Variants in ORC5 observed in about 807,000 individuals in gnomAD.
ORC5 encodes protein phosphatase 1, regulatory subunit 117.
In ORC5, 39 loss-of-function variants were observed where a neutral mutation model predicts 58.8. That is an observed-to-expected ratio of 0.66 (90% CI 0.51 to 0.87). ORC5 has a LOEUF of 0.87. Among genes scored for constraint, ORC5 ranks in the 40% least tolerant of loss-of-function variants. The probability of loss-of-function intolerance (pLI) is 0.00; values close to 1 mark genes in which losing one functional copy is unlikely to be tolerated. For missense variants in ORC5, 493 were observed against 506.3 expected (o/e 0.97, Z 0.25); for synonymous variants, 218 against 177.6 (o/e 1.23, Z -1.81).
chr7:104,151,018 G>C (rs188822969), intron 12 of ORC5, among the ~76,000 whole-genome samples: 3 of 152,268 alleles, frequency 2.0e-5, no homozygotes, highest in South Asian at 2.1e-4. Flanking sequence ...CTCGATAGTT[G>C]TAAGGGGAAA....
At chr7:104,179,299 C>T (rs1584507809) in intron 8 of ORC5, among the ~76,000 whole-genome samples, 5 of 151,710 alleles carry the variant, frequency 3.3e-5, no homozygotes, top group African/African-American at 1.2e-4. Context: ...ATAGTTTGTC[C>T]TAAATGTAGT....
At chr7:104,197,664 C>T in intron 4 of ORC5, 61 bp downstream of exon 4, 1 of 1,141,128 alleles carries the variant, frequency 8.8e-7, no homozygotes. Context: ...AAATGAAAAA[C>T]TTTTACAACA....
Position 104,161,095 on chromosome 7 carries a change from G to A in ORC5, c.1126C>T (p.Pro376Ser), listed in dbSNP as rs1228085972. ...ACCTGGGAAAAAATATTTGCTGTTG[G>A]AGCAACTCTGCTGTCCACGATACTA... is the stretch of plus-strand genomic sequence containing the variant. ...LYSIVDSRVA[P>S]TANIFSQITS... Residue 376 changes from proline to serine, a missense_variant, in exon 12 of 14, where the codon CCA becomes TCA. Pro to Ser is a moderately conservative substitution (Grantham distance 74, BLOSUM62 -1). This residue lies in a region of ORC5 where 77 missense variants were observed against 86.1 expected (regional missense o/e 0.89). Transcript: ENST00000297431. 1.3e-6 allele frequency: 2 copies of A among 1,593,032 alleles called. No individual in the cohort carries two copies. Among genetic ancestry groups the A allele is most frequent in the Non-Finnish European group, 1.7e-6 (2 of 1,161,642 alleles).
At chr7:104,152,159 T>G (rs187668217) in intron 12 of ORC5, among the ~76,000 whole-genome samples, 2 of 152,252 alleles carry the variant, frequency 1.3e-5, no homozygotes, top group Admixed American at 1.3e-4. Context: ...TAGATTTTGT[T>G]TTTTGGGGGG....
intron 8 of ORC5, among the ~76,000 whole-genome samples, chr7:104,181,590 C>T (rs754461748): frequency 4.0e-5 from 6 of 151,890 alleles, no homozygotes; most frequent in African/African-American, 7.3e-5. Context: ...TCAAGACCAT[C>T]CTGGCTAACA....
At position 104,188,365 on chromosome 7, in the gene ORC5, G is replaced by T. The variant is rs1486138557; in HGVS notation, c.570C>A (p.Ile190=). 6.2e-7 allele frequency: 1 copy of T among 1,608,448 alleles called. No individual in the cohort carries two copies. The highest frequency in any genetic ancestry group is 8.5e-7 in the Non-Finnish European group (1 of 1,175,700). Residue 190 remains isoleucine, a synonymous_variant, in exon 6 of 14, where the codon ATC becomes ATA. Transcript: ENST00000297431. The stretch of plus-strand genomic sequence containing the variant: ...ACTCTGGAGGATGATCATGGGACAG[G>T]ATCTTTTGAAGGTTGCCTGTTCACA... ...PDYSIGNLQK[I]LSHDHPPEYS...
chr7:104,194,744 A>C (rs1190461152), intron 5 of ORC5, among the ~76,000 whole-genome samples: 1 of 152,182 alleles, frequency 6.6e-6, no homozygotes, highest in African/African-American at 2.4e-5. Context: ...TGTCATAATC[A>C]CAATATAAAT....
rs141295628 is a variant in ORC5 at position 104,196,748 on chromosome 7, T to C, written c.441+977A>G. On this transcript the variant is annotated intron_variant, in intron 4 of 13. Coordinates refer to ENST00000297431, the MANE Select transcript of ORC5 (RefSeq NM_002553.4). ...AAATTAGGTAGGTATAAACTGCTTA[T>C]ACTCAAAGCACTTACAAAATTATAA... 8.4e-3 allele frequency among the ~76,000 whole-genome samples: 1,274 copies of C among 152,330 alleles called. 16 individuals carry two copies. Among genetic ancestry groups the C allele is most frequent in the African/African-American group, 0.029 (1,192 of 41,572 alleles).
chr7:104,145,614 A>T (rs1434961797), intron 12 of ORC5, among the ~76,000 whole-genome samples: 2 of 152,142 alleles, frequency 1.3e-5, no homozygotes, highest in African/African-American at 4.8e-5. Flanking sequence ...AGAACTTCCC[A>T]CCCAGACAGG....
chr7:104,142,563 T>C (rs1798690104), intron 12 of ORC5, among the ~76,000 whole-genome samples: 2 of 151,860 alleles, frequency 1.3e-5, no homozygotes, highest in Non-Finnish European at 2.9e-5. Flanking sequence ...ATGCTTCAAA[T>C]AAAATAAAAA....
At chr7:104,193,324 T>C (rs1159914084) in intron 5 of ORC5, among the ~76,000 whole-genome samples, 3 of 152,080 alleles carry the variant, frequency 2.0e-5, no homozygotes, top group African/African-American at 4.8e-5. Flanking sequence ...TGTTCTTAGG[T>C]AGGAAACTGT....
intron 12 of ORC5, among the ~76,000 whole-genome samples, chr7:104,148,162 A>G (rs1798790920): frequency 6.6e-6 from 1 of 152,224 alleles, no homozygotes; most frequent in Admixed American, 6.5e-5. Context: ...ATTACTATAA[A>G]TAAATCTCTC....
chr7:104,128,587 A>G (rs960324371), intron 13 of ORC5, among the ~76,000 whole-genome samples: 37 of 151,702 alleles, frequency 2.4e-4, no homozygotes, highest in African/African-American at 8.7e-4. Context: ...GGTTAGTTAC[A>G]TATGTATACA....
chr7:104,195,032 A>AT (rs1211802204), intron 5 of ORC5, 111 bp downstream of exon 5: 1 of 564,448 alleles, frequency 1.8e-6, no homozygotes, highest in Non-Finnish European at 3.1e-6. Context: ...CCATTTGAAT[A>AT]TCAAATGGGA....
intron 1 of ORC5, among the ~76,000 whole-genome samples, chr7:104,206,971 G>A (rs1008793693): frequency 6.6e-6 from 1 of 152,096 alleles, no homozygotes; most frequent in Non-Finnish European, 1.5e-5. Flanking sequence ...TATTCACAGG[G>A]ATTAAATTGC....
intron 8 of ORC5, among the ~76,000 whole-genome samples, chr7:104,181,372 T>TC (rs1286710742): frequency 6.6e-6 from 1 of 152,190 alleles, no homozygotes; most frequent in Non-Finnish European, 1.5e-5. Context: ...GTATTTTTTT[T>TC]CTCCTTGAAA....
chr7:104,197,717 T>A lies in ORC5; in HGVS notation c.441+8A>T. On this transcript the variant is annotated splice_region_variant and intron_variant, in intron 4 of 13. Coordinates refer to ENST00000297431, the MANE Select transcript of ORC5 (RefSeq NM_002553.4). ...TGTGGGGAGAAAGCACTTTCTCACA[T>A]TACTTACCAATTCTTGTAATCTAAG... 6.3e-7 allele frequency: 1 copy of A among 1,583,344 alleles called. No homozygotes were observed. The highest frequency in any genetic ancestry group is 1.2e-5 in the South Asian group (1 of 85,338).
chr7:104,162,510 A>AT (rs1250991054), intron 11 of ORC5, among the ~76,000 whole-genome samples: 3 of 152,352 alleles, frequency 2.0e-5, no homozygotes, highest in Non-Finnish European at 4.4e-5. Flanking sequence ...TGGAAACTGT[A>AT]TTTACATGCA....
At chr7:104,182,533 A>G (rs1799456451) in intron 8 of ORC5, among the ~76,000 whole-genome samples, 1 of 151,950 alleles carries the variant, frequency 6.6e-6, no homozygotes, top group Non-Finnish European at 1.5e-5. Flanking sequence ...CTTTGTTTCA[A>G]CTCAGTCATG....
Sources: gnomAD v4.1 joint callset for allele counts (sites outside exome capture counted in the v4.1 genomes callset) on GRCh38, gnomAD v4.1.1 for gene constraint, gnomAD v4.1.1 regional missense constraint, MANE v1.5 for transcripts, NCBI Gene and HGNC (gene_info 2026-07-23, HGNC 2026-07-21) for gene names.